Variants in MYLK observed in about 807,000 individuals in gnomAD.
MYLK encodes myosin light chain kinase, also known as myosin light chain kinase, smooth muscle.
A neutral mutation model predicts 203.4 loss-of-function variants in MYLK; 106 were observed. The observed-to-expected ratio is 0.52, with a 90% CI of 0.45 to 0.61. The LOEUF (loss-of-function observed/expected upper bound fraction) is 0.61. MYLK is among the 20% of genes least tolerant of loss of function. MYLK has a pLI of 0.00. For synonymous variants in MYLK, 867 were observed against 959.5 expected (o/e 0.90, Z 1.78); for missense variants, 2,072 against 2,442.3 (o/e 0.85, Z 3.20).
At chr3:123,615,811 G>A (rs763964573) in intron 33 of MYLK, among the ~76,000 whole-genome samples, 1 of 151,098 alleles carries the variant, frequency 6.6e-6, no homozygotes, top group Non-Finnish European at 1.5e-5. Flanking sequence ...ACCACACCCA[G>A]CTAATTTTCG....
At chr3:123,622,564 T>C (rs1391486454) in intron 31 of MYLK, 2 of 152,190 alleles carry the variant, frequency 1.3e-5, no homozygotes, top group East Asian at 3.8e-4. Context: ...ACAAAATGAC[T>C]AAAATGAAGC....
chr3:123,769,959 T>C (rs983100186), intron 4 of MYLK, among the ~76,000 whole-genome samples: 3 of 152,178 alleles, frequency 2.0e-5, no homozygotes, highest in Admixed American at 2.0e-4. Context: ...TCACGAGTAC[T>C]AAAGCTGGCA....
chr3:123,819,538 G>A (rs1443916188), intron 3 of MYLK, among the ~76,000 whole-genome samples: 5 of 152,180 alleles, frequency 3.3e-5, no homozygotes, highest in Non-Finnish European at 7.3e-5. Flanking sequence ...TAACTTGAAA[G>A]TATATGAAAT....
intron 27 of MYLK, among the ~76,000 whole-genome samples, chr3:123,641,168 G>A (rs925172781): frequency 1.3e-5 from 2 of 152,178 alleles, no homozygotes; most frequent in Non-Finnish European, 2.9e-5. Context: ...GATAGGCTTT[G>A]GATCCTGGCT....
intron 2 of MYLK, among the ~76,000 whole-genome samples, chr3:123,863,793 T>C (rs1303525871): frequency 1.3e-5 from 2 of 152,022 alleles, no homozygotes; most frequent in Non-Finnish European, 2.9e-5. Flanking sequence ...ACTTTGGCAG[T>C]TTCTTACAAA....
chr3:123,846,041 T>C (rs1337434098), intron 2 of MYLK, among the ~76,000 whole-genome samples: 1 of 152,228 alleles, frequency 6.6e-6, no homozygotes, highest in Non-Finnish European at 1.5e-5. Context: ...TAACTGATGT[T>C]ATTTTTATGT....
intron 4 of MYLK, among the ~76,000 whole-genome samples, chr3:123,752,926 T>C (rs919576650): frequency 4.6e-5 from 7 of 152,330 alleles, no homozygotes; most frequent in Middle Eastern, 3.4e-3. Flanking sequence ...CACTCCAACA[T>C]GCTAATAAAT....
In MYLK at chr3:123,752,542, C is replaced by T; in HGVS notation, c.166-4G>A. On this transcript the variant is annotated splice_polypyrimidine_tract_variant and splice_region_variant and intron_variant, in intron 4 of 33. Coordinates refer to ENST00000360304, the MANE Select transcript of MYLK (RefSeq NM_053025.4). ...GGGGCTCTGGGTAACCCCGGACCTT[C>T]AAGAAAAAGAAGAAAGGGTAAGAGC... 1 of 1,611,226 alleles carries T rather than the reference C, an allele frequency of 6.2e-7. No homozygotes were observed. The highest frequency in any genetic ancestry group is 8.5e-7 in the Non-Finnish European group (1 of 1,179,114).
chr3:123,711,700 T>C (rs1261265319), intron 13 of MYLK, among the ~76,000 whole-genome samples: 2 of 152,194 alleles, frequency 1.3e-5, no homozygotes, highest in Non-Finnish European at 2.9e-5. Context: ...GTTTTTGTTT[T>C]TGGCAGGTTC....
intron 3 of MYLK, among the ~76,000 whole-genome samples, chr3:123,808,138 C>T (rs2065435628): frequency 6.6e-6 from 1 of 152,350 alleles, no homozygotes; most frequent in South Asian, 2.1e-4. Context: ...GCCTCCTTCA[C>T]CCTTCACTGC....
chr3:123,730,743 G>C (rs2062446862), intron 11 of MYLK, among the ~76,000 whole-genome samples: 1 of 152,174 alleles, frequency 6.6e-6, no homozygotes, highest in Non-Finnish European at 1.5e-5. Flanking sequence ...GTGGCTATCA[G>C]GGGTTGTGGG....
chr3:123,788,352 C>A (rs2064624700), intron 4 of MYLK, among the ~76,000 whole-genome samples: 1 of 150,266 alleles, frequency 6.7e-6, no homozygotes, highest in African/African-American at 2.5e-5. Flanking sequence ...CCAGACATTT[C>A]TTTCAAATTT....
intron 5 of MYLK, among the ~76,000 whole-genome samples, chr3:123,741,849 A>T (rs966313551): frequency 6.6e-6 from 1 of 152,222 alleles, no homozygotes; most frequent in South Asian, 2.1e-4. Context: ...GTGCAGGTAC[A>T]TGTTAGGATA....
intron 1 of MYLK, among the ~76,000 whole-genome samples, chr3:123,877,894 C>T (rs2033265368): frequency 6.6e-6 from 1 of 152,184 alleles, no homozygotes; most frequent in South Asian, 2.1e-4. Flanking sequence ...CAGTACTTGG[C>T]TGGAAAGATG....
At position 123,640,151 on chromosome 3, in the gene MYLK, C is replaced by T; in HGVS notation, c.4837+136G>A. 1 of 794,538 alleles carries T rather than the reference C, an allele frequency of 1.3e-6. No homozygotes were observed. Among genetic ancestry groups the T allele is most frequent in the East Asian group, 2.6e-5 (1 of 38,024 alleles). The allele number at this position is 794,538 out of a possible 1,614,324, so 49.2% of individuals were successfully genotyped here. ...TGTCACGTCTAGTATGTGGTAGGGG[C>T]AGGATTCAAACCTGGGAAGTCTTCA... On this transcript the variant is annotated intron_variant, in intron 28 of 33. Coordinates refer to ENST00000360304, the MANE Select transcript of MYLK (RefSeq NM_053025.4). The surrounding 1 kb of genome is among the most constrained non-coding windows in gnomAD (Gnocchi z 4.3).
At chr3:123,792,086 T>C (rs773105584) in intron 4 of MYLK, among the ~76,000 whole-genome samples, 1 of 152,216 alleles carries the variant, frequency 6.6e-6, no homozygotes, top group Non-Finnish European at 1.5e-5. Flanking sequence ...GCTCAGCAGA[T>C]GCAAGTTCCA....
At chr3:123,737,660 C>A (rs1336845182) in intron 7 of MYLK, 117 bp from the exon 8 acceptor site, 5 of 1,347,758 alleles carry the variant, frequency 3.7e-6, no homozygotes, top group African/African-American at 2.9e-5. Flanking sequence ...GCAGCGTCCT[C>A]TGCTGTGGGC....
intron 3 of MYLK, among the ~76,000 whole-genome samples, chr3:123,819,900 T>G (rs1251852664): frequency 1.3e-5 from 2 of 148,614 alleles, no homozygotes; most frequent in African/African-American, 4.9e-5. Context: ...CATTCATTCC[T>G]CCCACCAAAA....
At chr3:123,831,957 G>A (rs1247250862) in intron 2 of MYLK, among the ~76,000 whole-genome samples, 1 of 152,188 alleles carries the variant, frequency 6.6e-6, no homozygotes, top group African/African-American at 2.4e-5. Context: ...AGGGTCTAGG[G>A]AGAGGCCCTG....
Sources: gnomAD v4.1 joint callset for allele counts (sites outside exome capture counted in the v4.1 genomes callset) on GRCh38, gnomAD v4.1.1 for gene constraint, Gnocchi (gnomAD v3.1) non-coding constraint, MANE v1.5 for transcripts, NCBI Gene and HGNC (gene_info 2026-07-23, HGNC 2026-07-21) for gene names.